RIMS2: variants seen among roughly 807,000 people sequenced by gnomAD.
RIMS2 encodes the protein regulating synaptic membrane exocytosis protein 2.
In RIMS2, 59 loss-of-function variants were observed where a neutral mutation model predicts 174.4. The observed-to-expected ratio is 0.34, with a 90% confidence interval of 0.27 to 0.42. RIMS2 has a LOEUF of 0.42. RIMS2 is among the 10% of genes least tolerant of loss of function. The pLI is 1.00. For synonymous variants in RIMS2, 606 were observed against 572.5 expected (o/e 1.06, Z -0.84); for missense variants, 1,620 against 1,666.3 (o/e 0.97, Z 0.48).
At chr8:103,687,198 AAGAC>A (rs2096951302) in intron 1 of RIMS2, among the ~76,000 whole-genome samples, 1 of 152,094 alleles carries the variant, frequency 6.6e-6, no homozygotes, top group African/African-American at 2.4e-5. Flanking sequence ...CTTTCAAAGA[AAGAC>A]ATACATACAT....
At chr8:103,609,004 C>A (rs1353428504) in intron 1 of RIMS2, among the ~76,000 whole-genome samples, 2 of 152,218 alleles carry the variant, frequency 1.3e-5, no homozygotes, top group East Asian at 3.8e-4. Flanking sequence ...ATTCGGCCAT[C>A]TTGGCTCCTC....
chr8:103,798,760 G>A (rs2098577815), intron 3 of RIMS2, among the ~76,000 whole-genome samples: 1 of 152,066 alleles, frequency 6.6e-6, no homozygotes, highest in South Asian at 2.1e-4. Context: ...CTCCAAAAAT[G>A]TCCACACCCT....
chr8:103,700,033 T>G (rs1172674137), intron 2 of RIMS2, among the ~76,000 whole-genome samples: 1 of 152,156 alleles, frequency 6.6e-6, no homozygotes, highest in Non-Finnish European at 1.5e-5. Context: ...TTAAGAAGCA[T>G]GCATATTCTT....
intron 17 of RIMS2, among the ~76,000 whole-genome samples, chr8:104,011,709 T>A (rs1458805255): frequency 1.3e-5 from 2 of 152,112 alleles, no homozygotes; most frequent in Non-Finnish European, 2.9e-5. Context: ...AATATTAGTC[T>A]AACTTTCTGC....
At chr8:104,001,975 A>G (rs1185624723) in intron 17 of RIMS2, among the ~76,000 whole-genome samples, 1 of 152,054 alleles carries the variant, frequency 6.6e-6, no homozygotes, top group Non-Finnish European at 1.5e-5. Context: ...CCTGCCATCA[A>G]GCCTGAGTAA....
chr8:103,773,969 C>T (rs557071284), intron 3 of RIMS2, among the ~76,000 whole-genome samples: 30 of 152,152 alleles, frequency 2.0e-4, no homozygotes, highest in Non-Finnish European at 3.7e-4. Context: ...TGGTGAAACC[C>T]CGTCTCTACT....
intron 19 of RIMS2, among the ~76,000 whole-genome samples, chr8:104,052,479 G>T (rs2096802233): frequency 6.6e-6 from 1 of 152,132 alleles, no homozygotes; most frequent in Non-Finnish European, 1.5e-5. Flanking sequence ...TGACTAAGGG[G>T]TTTAGCTAGA....
intron 22 of RIMS2, 24 bp from the exon 29 acceptor site, chr8:104,251,000 C>T (rs1178611183): frequency 5.6e-6 from 9 of 1,603,430 alleles, no homozygotes; most frequent in South Asian, 1.1e-5. Flanking sequence ...ATTGCTCATT[C>T]TCCTCTGTGT....
At chr8:103,554,817 A>G (rs930588881) in intron 1 of RIMS2, among the ~76,000 whole-genome samples, 2 of 152,216 alleles carry the variant, frequency 1.3e-5, no homozygotes, top group African/African-American at 4.8e-5. Flanking sequence ...GAATAAAGGA[A>G]ATGTGATACA....
At chr8:103,669,263 C>T (rs764195711) in intron 1 of RIMS2, among the ~76,000 whole-genome samples, 11 of 152,066 alleles carry the variant, frequency 7.2e-5, no homozygotes, top group Non-Finnish European at 1.0e-4. Context: ...GAAAACTGCC[C>T]CCATGATTCA....
chr8:103,770,692 T>G (rs887369890), intron 3 of RIMS2, among the ~76,000 whole-genome samples: 1 of 152,144 alleles, frequency 6.6e-6, no homozygotes, highest in Non-Finnish European at 1.5e-5. Context: ...GCCCATTTTC[T>G]TTTGTCACCA....
chr8:104,065,148 C>A (rs999578083), intron 19 of RIMS2, among the ~76,000 whole-genome samples: 5 of 151,950 alleles, frequency 3.3e-5, no homozygotes, highest in African/African-American at 1.2e-4. Flanking sequence ...TTCTTTATTG[C>A]AGGTTTTTGA....
downstream of RIMS2, chr8:104,252,599 G>C (rs757172915): frequency 6.6e-6 from 1 of 151,088 alleles, no homozygotes; most frequent in East Asian, 1.9e-4. Context: ...AATTTCACTA[G>C]TGCATGGTTT....
At chr8:104,107,967 G>GCCCC (rs11322161) in intron 19 of RIMS2, among the ~76,000 whole-genome samples, 154 of 141,182 alleles carry the variant, frequency 1.1e-3, no homozygotes, top group Middle Eastern at 7.4e-3. Flanking sequence ...TCTTTCCCCT[G>GCCCC]CCCCCCCCCC....
At chr8:103,651,194 C>T (rs1425005347) in intron 1 of RIMS2, among the ~76,000 whole-genome samples, 1 of 152,242 alleles carries the variant, frequency 6.6e-6, no homozygotes, top group Non-Finnish European at 1.5e-5. Context: ...CACACAATCA[C>T]TGACAGCTTC....
chr8:104,192,545 C>G (rs778651597), intron 19 of RIMS2, among the ~76,000 whole-genome samples: 1 of 151,944 alleles, frequency 6.6e-6, no homozygotes, highest in Non-Finnish European at 1.5e-5. Flanking sequence ...AATGTATTAG[C>G]TAATATAGAA....
chr8:104,232,257 C>T (rs1393678137), intron 19 of RIMS2, among the ~76,000 whole-genome samples: 2 of 152,116 alleles, frequency 1.3e-5, no homozygotes, highest in Admixed American at 6.5e-5. Context: ...TGAAAGGGAC[C>T]ATACTGATTA....
intron 20 of RIMS2, among the ~76,000 whole-genome samples, chr8:104,246,582 T>C (rs1050387611): frequency 6.6e-6 from 1 of 152,162 alleles, no homozygotes; most frequent in African/African-American, 2.4e-5. Flanking sequence ...GTAGATTAGA[T>C]AGCACACATG....
At chr8:104,011,518 T>C (rs1054330494) in intron 17 of RIMS2, among the ~76,000 whole-genome samples, 5 of 152,066 alleles carry the variant, frequency 3.3e-5, no homozygotes, top group Non-Finnish European at 5.9e-5. Context: ...TTTGAGGACA[T>C]AGGACATAGC....
Sources: allele counts gnomAD v4.1 joint callset (sites outside exome capture counted in the v4.1 genomes callset), GRCh38; gene constraint gnomAD v4.1.1; transcripts MANE v1.5; gene names NCBI Gene and HGNC (gene_info 2026-07-23, HGNC 2026-07-21).